Variants in GALNT18 observed in about 807,000 individuals in gnomAD.
GALNT18 encodes the protein GalNAc-transferase 18.
Under a neutral mutation model 69.5 loss-of-function variants are expected in GALNT18, and 44 were observed. The observed-to-expected ratio is 0.63, with a 90% confidence interval of 0.50 to 0.81. The LOEUF (loss-of-function observed/expected upper bound fraction) is 0.81, where lower values mean the gene tolerates loss of function less well. Ranked by LOEUF, GALNT18 falls within the 40% of genes least tolerant of loss-of-function variation. GALNT18 has a pLI of 0.00. For synonymous variants in GALNT18, 364 were observed against 318.2 expected (o/e 1.14, Z -1.53); for missense variants, 715 against 810.0 (o/e 0.88, Z 1.42).
At chr11:11,486,037 C>T (rs890421979) in intron 1 of GALNT18, among the ~76,000 whole-genome samples, 1 of 152,158 alleles carries the variant, frequency 6.6e-6, no homozygotes, top group South Asian at 2.1e-4. Flanking sequence ...GGGAGATGGA[C>T]ACCCAGGAGG....
At chr11:11,492,171 C>G (rs2133886655) in intron 1 of GALNT18, among the ~76,000 whole-genome samples, 1 of 152,340 alleles carries the variant, frequency 6.6e-6, no homozygotes, top group South Asian at 2.1e-4. Context: ...CCCAGGCATC[C>G]TGGTATCAGG....
rs1479096457 is a variant in GALNT18, at chr11:11,505,402, T to C, written c.236-56466A>G. On this transcript the variant is annotated intron_variant, in intron 1 of 10. Transcript: ENST00000227756. This position sits in a 1 kb window ranked among gnomAD's most constrained non-coding sequence, Gnocchi z 4.6. ...AAGGATGGCAGGCAGATGGCATGCA[T>C]ACCAGCACTGACTCCTATGCCCACA... Among the ~76,000 whole-genome samples, 2 of 152,164 alleles carry C rather than the reference T, an allele frequency of 1.3e-5. No homozygotes were observed. Among genetic ancestry groups the C allele is most frequent in the Non-Finnish European group, 2.9e-5 (2 of 68,036 alleles).
Position 11,563,225 on chromosome 11 carries a change from C to CT in GALNT18, c.235+58133dup, listed in dbSNP as rs1858558746. Among the ~76,000 whole-genome samples, 1 of 152,182 alleles carries CT rather than the reference C, an allele frequency of 6.6e-6. No homozygotes were observed. The highest frequency in any genetic ancestry group is 6.5e-5 in the Admixed American group (1 of 15,278). On this transcript the variant is annotated intron_variant, in intron 1 of 10. Transcript: ENST00000227756. The surrounding 1 kb of genome is among the most constrained non-coding windows in gnomAD (Gnocchi z 4.6). ...CCCAAGCCATAATGTGGCTGTTCAC[C>CT]TTGCACCTCCCCGGATCAAGAGACT...
At chr11:11,589,478 G>A (rs1859302499) in intron 1 of GALNT18, among the ~76,000 whole-genome samples, 1 of 152,120 alleles carries the variant, frequency 6.6e-6, no homozygotes, top group South Asian at 2.1e-4. Context: ...GAATCAAAAG[G>A]AAAACACTAC....
rs1855589957 is a variant in GALNT18 at position 11,444,026 on chromosome 11, A to G, written c.428+4718T>C. Among the ~76,000 whole-genome samples, 1 of 152,154 alleles carries G rather than the reference A, an allele frequency of 6.6e-6. No individual in the cohort carries two copies. The highest frequency in any genetic ancestry group is 6.5e-5 in the Admixed American group (1 of 15,278). ...ATGTGGACATCTTTGGGAGGCCATT[A>G]TTCTGCCTATCCATGAAGCCAGGAC... On this transcript the variant is annotated intron_variant, in intron 2 of 10. Transcript: ENST00000227756. This position sits in a 1 kb window ranked among gnomAD's most constrained non-coding sequence, Gnocchi z 4.4.
At chr11:11,334,144 C>A (rs1300126105) in intron 7 of GALNT18, among the ~76,000 whole-genome samples, 1 of 152,104 alleles carries the variant, frequency 6.6e-6, no homozygotes, top group Non-Finnish European at 1.5e-5. Context: ...TGAGGTTGGG[C>A]AGATTTTGTC....
intron 3 of GALNT18, among the ~76,000 whole-genome samples, chr11:11,407,203 C>T (rs758353657): frequency 6.6e-6 from 1 of 152,196 alleles, no homozygotes; most frequent in Non-Finnish European, 1.5e-5. Context: ...GGAGGAGTGC[C>T]TGAGGATGGC....
intron 3 of GALNT18, among the ~76,000 whole-genome samples, chr11:11,406,850 C>T (rs1854597955): frequency 1.3e-5 from 2 of 152,204 alleles, no homozygotes; most frequent in Non-Finnish European, 2.9e-5. Flanking sequence ...ATGTTCCCAT[C>T]CCCGCCCTTT....
At position 11,383,442 on chromosome 11, in the gene GALNT18, T is replaced by C. The variant is rs527483095; in HGVS notation, c.596-4178A>G. Among the ~76,000 whole-genome samples, 18 of 152,342 alleles carry C rather than the reference T, an allele frequency of 1.2e-4. No homozygotes were observed. Among genetic ancestry groups the C allele is most frequent in the African/African-American group, 3.4e-4 (14 of 41,578 alleles). ...GGAAACTAAAGGATCTGAAAGTTGA[T>C]GCCTAATGGGGCTTTGCTCTTTGGA... is the stretch of plus-strand genomic sequence containing the variant. On this transcript the variant is annotated intron_variant, in intron 3 of 10. Transcript: ENST00000227756. The surrounding 1 kb of genome is among the most constrained non-coding windows in gnomAD (Gnocchi z 5.2).
At chr11:11,520,338 CGCAAGCA>C in intron 1 of GALNT18, among the ~76,000 whole-genome samples, 1 of 152,292 alleles carries the variant, frequency 6.6e-6, no homozygotes, top group African/African-American at 2.4e-5. Context: ...AAGATTCAAG[CGCAAGCA>C]GCGAGGCGCC....
At chr11:11,375,974 G>T (rs951627177) in intron 5 of GALNT18, among the ~76,000 whole-genome samples, 3 of 152,134 alleles carry the variant, frequency 2.0e-5, no homozygotes, top group Non-Finnish European at 4.4e-5. Flanking sequence ...AACAACATGA[G>T]CTTCTAATCT....
intron 5 of GALNT18, among the ~76,000 whole-genome samples, chr11:11,374,111 C>T (rs963844796): frequency 6.6e-6 from 1 of 152,170 alleles, no homozygotes; most frequent in Admixed American, 6.5e-5. Context: ...TAAATGGCTT[C>T]ACCCTCACAG....
intron 2 of GALNT18, among the ~76,000 whole-genome samples, chr11:11,433,693 G>A (rs574926270): frequency 1.1e-4 from 16 of 152,320 alleles, no homozygotes; most frequent in South Asian, 4.1e-4. Flanking sequence ...GAAAAGTGCC[G>A]TGTCTCCTGA....
chr11:11,511,018 G>T lies in GALNT18; in HGVS notation c.236-62082C>A, dbSNP rs1441002137. On this transcript the variant is annotated intron_variant, in intron 1 of 10. Transcript: ENST00000227756. This position sits in a 1 kb window ranked among gnomAD's most constrained non-coding sequence, Gnocchi z 4.9. Reference sequence around the variant, plus strand: ...CAACCGGCACTCTTTCCTCTCGGCGGGGCGTGCAGCTGGTACCGCCTTCCA... The same window carrying T: ...CAACCGGCACTCTTTCCTCTCGGCGTGGCGTGCAGCTGGTACCGCCTTCCA... Among the ~76,000 whole-genome samples the T allele has an allele frequency of 6.6e-6, 1 of 152,048 alleles. No homozygotes were observed. Among genetic ancestry groups the T allele is most frequent in the African/African-American group, 2.4e-5 (1 of 41,398 alleles).
chr11:11,342,692 A>C (rs890415679), intron 6 of GALNT18, among the ~76,000 whole-genome samples: 2 of 152,214 alleles, frequency 1.3e-5, no homozygotes, highest in African/African-American at 4.8e-5. Flanking sequence ...CAGGCACTGG[A>C]CTGTACATTC....
At chr11:11,446,215 C>T (rs1261857004) in intron 2 of GALNT18, among the ~76,000 whole-genome samples, 1 of 152,236 alleles carries the variant, frequency 6.6e-6, no homozygotes, top group Non-Finnish European at 1.5e-5. Flanking sequence ...CGTACCTTCA[C>T]TGCCCTGTTA....
chr11:11,300,202 A>T (rs1390063464), intron 9 of GALNT18, among the ~76,000 whole-genome samples: 1 of 152,218 alleles, frequency 6.6e-6, no homozygotes, highest in African/African-American at 2.4e-5. Flanking sequence ...GCCTTCCTTG[A>T]CAACTCTGCT....
intron 1 of GALNT18, among the ~76,000 whole-genome samples, chr11:11,510,089 C>A (rs780597550): frequency 2.0e-5 from 3 of 152,140 alleles, no homozygotes; most frequent in Non-Finnish European, 1.5e-5. Context: ...CTGGCCACAG[C>A]ATGGAAAACT....
intron 1 of GALNT18, among the ~76,000 whole-genome samples, chr11:11,536,555 C>A (rs548846849): frequency 6.6e-6 from 1 of 152,242 alleles, no homozygotes; most frequent in Non-Finnish European, 1.5e-5. Context: ...GATAACTTCT[C>A]CCTTCCTGAC....
Sources: gnomAD v4.1 joint callset for allele counts (sites outside exome capture counted in the v4.1 genomes callset) on GRCh38, gnomAD v4.1.1 for gene constraint, Gnocchi (gnomAD v3.1) non-coding constraint, MANE v1.5 for transcripts, NCBI Gene and HGNC (gene_info 2026-07-23, HGNC 2026-07-21) for gene names.